The following GABRA2 variants were observed in gnomAD, a reference collection of about 807,000 sequenced individuals.
GABRA2 encodes gamma-aminobutyric acid type A receptor subunit alpha2.
GABRA2 carries 16 observed loss-of-function variants against 48.7 expected under a neutral mutation model. The observed-to-expected ratio is 0.33, with a 90% CI of 0.22 to 0.50. The LOEUF (loss-of-function observed/expected upper bound fraction) is 0.50, where lower values mean the gene tolerates loss of function less well. Among genes scored for constraint, GABRA2 ranks in the 20% least tolerant of loss-of-function variants. The pLI, the probability that GABRA2 is intolerant of heterozygous loss-of-function variation, is 0.98. For synonymous variants in GABRA2, 185 were observed against 184.5 expected (o/e 1.00, Z -0.02); for missense variants, 275 against 535.6 (o/e 0.51, Z 4.80).
At chr4:46,334,522 G>A (rs922760993) in intron 3 of GABRA2, among the ~76,000 whole-genome samples, 1 of 152,180 alleles carries the variant, frequency 6.6e-6, no homozygotes, top group Non-Finnish European at 1.5e-5. Flanking sequence ...AAAGTGAAAT[G>A]ATTCTCCTTA....
chr4:46,321,128 A>C (rs2109750197), intron 4 of GABRA2, among the ~76,000 whole-genome samples: 1 of 152,116 alleles, frequency 6.6e-6, no homozygotes, highest in Middle Eastern at 3.4e-3. Flanking sequence ...CAGACGCAGA[A>C]GGAAAATACT....
chr4:46,383,642 G>A (rs1717057950), intron 3 of GABRA2, among the ~76,000 whole-genome samples: 1 of 152,122 alleles, frequency 6.6e-6, no homozygotes, highest in South Asian at 2.1e-4. Flanking sequence ...AGGAGACATA[G>A]TGCCAGTGAC....
chr4:46,303,320 C>A (rs1726074627), intron 8 of GABRA2, 140 bp downstream of exon 8: 1 of 755,780 alleles, frequency 1.3e-6, no homozygotes, highest in Non-Finnish European at 2.3e-6. Flanking sequence ...TCTGAGCCTA[C>A]TTCTTCACCT....
chr4:46,387,296 A>C (rs751781165), intron 2 of GABRA2, among the ~76,000 whole-genome samples: 2 of 152,210 alleles, frequency 1.3e-5, no homozygotes, highest in Non-Finnish European at 2.9e-5. Context: ...TTTTAAAATA[A>C]AAGACAATAT....
intron 8 of GABRA2, among the ~76,000 whole-genome samples, chr4:46,294,130 C>A (rs540567959): frequency 4.6e-5 from 7 of 152,326 alleles, no homozygotes; most frequent in African/African-American, 1.7e-4. Flanking sequence ...TATCAACTCT[C>A]TGGCTATGTG....
At chr4:46,317,539 C>T (rs1348557671) in intron 4 of GABRA2, among the ~76,000 whole-genome samples, 3 of 151,666 alleles carry the variant, frequency 2.0e-5, no homozygotes, top group African/African-American at 7.3e-5. Context: ...GTAGTGAATG[C>T]ATTTGTCATC....
At chr4:46,356,454 C>T (rs1410127433) in intron 3 of GABRA2, among the ~76,000 whole-genome samples, 1 of 148,404 alleles carries the variant, frequency 6.7e-6, no homozygotes, top group East Asian at 1.9e-4. Flanking sequence ...AAAAAAAAGC[C>T]ACTGTTTTAC....
At chr4:46,364,208 T>C (rs530167283) in intron 3 of GABRA2, 80 of 152,344 alleles carry the variant, frequency 5.3e-4, no homozygotes, top group African/African-American at 1.8e-3. Flanking sequence ...TTAACTTATA[T>C]GTGCTTCGAT....
intron 8 of GABRA2, among the ~76,000 whole-genome samples, chr4:46,284,113 T>C (rs1324551475): frequency 6.6e-6 from 1 of 151,170 alleles, no homozygotes; most frequent in Non-Finnish European, 1.5e-5. Context: ...ATATACTCAA[T>C]ATAATATTAA....
chr4:46,296,151 A>G (rs1053596975), intron 8 of GABRA2, among the ~76,000 whole-genome samples: 1 of 152,118 alleles, frequency 6.6e-6, no homozygotes, highest in Admixed American at 6.5e-5. Flanking sequence ...CTGAATCAGC[A>G]TCTCATATAT....
chr4:46,318,224 G>A (rs1478605196), intron 4 of GABRA2, among the ~76,000 whole-genome samples: 9 of 150,966 alleles, frequency 6.0e-5, no homozygotes, highest in East Asian at 1.9e-4. Flanking sequence ...AAAAATAAAT[G>A]TACTTCTTTG....
rs181463893 is a variant in GABRA2, at chr4:46,342,967, T to C, written c.188-10285A>G. ...TATAAGCCACAGAGCCCTGCCTGTT[T>C]ATTCATGTTTAACAAATATTTATAT... is the stretch of plus-strand genomic sequence containing the variant. On this transcript the variant is annotated intron_variant, in intron 3 of 9. Coordinates refer to ENST00000381620, the MANE Select transcript of GABRA2 (RefSeq NM_000807.4). 9.9e-5 allele frequency among the ~76,000 whole-genome samples: 15 copies of C among 152,176 alleles called. No individual in the cohort carries two copies. The East Asian group carries it at 2.9e-3, about 30-fold the overall frequency.
chr4:46,302,392 T>C (rs1269283478), intron 8 of GABRA2: 2 of 152,180 alleles, frequency 1.3e-5, no homozygotes, highest in South Asian at 2.1e-4. Context: ...ATATCTTTAA[T>C]AATCTCAAAA....
intron 1 of GABRA2, chr4:46,389,314 C>T (rs1717915195): frequency 1.0e-6 from 1 of 985,520 alleles, no homozygotes; most frequent in Non-Finnish European, 1.2e-6. Context: ...TGCCCACCCA[C>T]GGTTGCCCAA....
At chr4:46,256,454 C>T in intron 9 of GABRA2, 1 of 405,812 alleles carries the variant, frequency 2.5e-6, no homozygotes, top group South Asian at 9.5e-5. Flanking sequence ...TACCCAGCTT[C>T]CCCTAATTAA....
chr4:46,262,940 A>AAGAGAGAG (rs1717302170), intron 8 of GABRA2, among the ~76,000 whole-genome samples: 2 of 85,776 alleles, frequency 2.3e-5, no homozygotes, highest in African/African-American at 1.1e-4. Context: ...AGAAAGAAGA[A>AAGAGAGAG]AGAAAGAAAG....
chr4:46,289,221 A>C (rs1390725311), intron 8 of GABRA2, among the ~76,000 whole-genome samples: 1 of 152,242 alleles, frequency 6.6e-6, no homozygotes, highest in Non-Finnish European at 1.5e-5. Context: ...CCAAAGGAAT[A>C]TAAATTATTC....
At chr4:46,257,674 C>G (rs1175024166) in intron 9 of GABRA2, among the ~76,000 whole-genome samples, 1 of 151,600 alleles carries the variant, frequency 6.6e-6, no homozygotes, top group African/African-American at 2.4e-5. Flanking sequence ...GATTAAAGAA[C>G]TGAAGAGTTA....
In GABRA2 at chr4:46,323,735, TA is replaced by T. The variant is rs896023638; in HGVS notation, c.255+8879del. Among the ~76,000 whole-genome samples the T allele has an allele frequency of 5.6e-3, 784 of 140,336 alleles. 3 individuals carry two copies. Among genetic ancestry groups the T allele is most frequent in the African/African-American group, 0.016 (621 of 38,406 alleles). 92.1% of individuals were successfully genotyped at this position (140,336 alleles called of 152,430 possible). On this transcript the variant is annotated intron_variant, in intron 4 of 9. Transcript: ENST00000381620. The stretch of plus-strand genomic sequence containing the variant: ...TTCATAAGCCTGTGTACAACATCAT[TA>T]AAAAAAAAAAGGTATGAACGCCATG...
Sources: allele counts gnomAD v4.1 joint callset (sites outside exome capture counted in the v4.1 genomes callset), GRCh38; gene constraint gnomAD v4.1.1; transcripts MANE v1.5; gene names NCBI Gene and HGNC (gene_info 2026-07-23, HGNC 2026-07-21).